Variants in FOXN1 observed in about 807,000 individuals in gnomAD.
The protein encoded by FOXN1 is forkhead box N1.
Under a neutral mutation model 49.0 loss-of-function variants are expected in FOXN1, and 15 were observed. The ratio of observed to expected loss-of-function variants is 0.31; its 90% confidence interval spans 0.20 to 0.47. The LOEUF (loss-of-function observed/expected upper bound fraction) is 0.47. FOXN1 is among the 20% of genes least tolerant of loss of function. FOXN1 has a pLI of 1.00. For synonymous variants in FOXN1, 356 were observed against 369.0 expected (o/e 0.96, Z 0.40); for missense variants, 800 against 842.8 (o/e 0.95, Z 0.63).
At chr17:28,509,765 T>A (rs1456166874) in intron 1 of FOXN1, among the ~76,000 whole-genome samples, 1 of 152,150 alleles carries the variant, frequency 6.6e-6, no homozygotes, top group Non-Finnish European at 1.5e-5. Flanking sequence ...AGAGACACCC[T>A]CATAGAGCCC....
intron 1 of FOXN1, among the ~76,000 whole-genome samples, chr17:28,506,764 G>A (rs1437044504): frequency 2.0e-5 from 3 of 152,224 alleles, no homozygotes; most frequent in African/African-American, 7.2e-5. Context: ...TGTGCTGGGA[G>A]GAAATGAGGA....
rs564665585 is a variant in FOXN1 at position 28,534,280 on chromosome 17, C to G, written c.928-51C>G. Reference sequence around the variant, plus strand: ...TTCTAGAACCCAGACCTGAAGCCCGCTCTGGCTTCCTGAGCCTGGCCTGAA... The same window carrying G: ...TTCTAGAACCCAGACCTGAAGCCCGGTCTGGCTTCCTGAGCCTGGCCTGAA... On this transcript the variant is annotated intron_variant, in intron 6 of 8. Transcript: ENST00000579795. The surrounding 1 kb of genome is among the most constrained non-coding windows in gnomAD (Gnocchi z 4.1). 452 of 1,613,490 alleles carry G rather than the reference C, an allele frequency of 2.8e-4. No homozygotes were observed. The highest frequency in any genetic ancestry group is 2.3e-4 in the Non-Finnish European group (266 of 1,179,900).
At chr17:28,535,575 C>T (rs545048459) in intron 8 of FOXN1, among the ~76,000 whole-genome samples, 1 of 152,180 alleles carries the variant, frequency 6.6e-6, no homozygotes, top group Non-Finnish European at 1.5e-5. Flanking sequence ...CATGGAGAAA[C>T]ACTGTCTCTA....
rs2069792795 is a variant in FOXN1, at chr17:28,527,275, C to G, written c.613C>G (p.Pro205Ala). The G allele has an allele frequency of 3.7e-6, 6 of 1,613,838 alleles. No individual in the cohort carries two copies. The East Asian group carries it at 1.1e-4, about 30-fold the overall frequency. The change falls in exon 4 of 9, where the codon CCA (proline) becomes GCA (alanine). Residue 205 changes from proline to alanine, a missense_variant. By Grantham distance (27) the Pro-to-Ala change is conservative (BLOSUM62 -1). Around this residue, in one of 3 missense-constraint regions of FOXN1, gnomAD observed 383 missense variants for 357.9 expected, o/e 1.07. Transcript: ENST00000579795. ...GGGTTCAGAGGTCAAAGTCAAGCCC[C>G]CAGTTCTGGAGAGTGGTGCTGGGAT... ...VLGSEVKVKP[P>A]VLESGAGMFC...
At chr17:28,524,392 C>T in intron 2 of FOXN1, 111 bp from the exon 3 acceptor site, 2 of 997,584 alleles carry the variant, frequency 2.0e-6, no homozygotes, top group South Asian at 1.3e-5. Flanking sequence ...TTAGGGTCTT[C>T]CCAGAGCTCA....
intron 5 of FOXN1, among the ~76,000 whole-genome samples, chr17:28,530,029 A>AG (rs903199892): frequency 6.7e-6 from 1 of 149,106 alleles, no homozygotes; most frequent in African/African-American, 2.5e-5. Flanking sequence ...AAAAAAAAAA[A>AG]TGTCAGGGGT....
intron 5 of FOXN1, 48 bp downstream of exon 5, chr17:28,529,272 G>A (rs753547551): frequency 6.2e-7 from 1 of 1,607,530 alleles, no homozygotes; most frequent in South Asian, 1.1e-5. Flanking sequence ...GAGTGAGAGG[G>A]CCCCTGGGAA....
intron 1 of FOXN1, among the ~76,000 whole-genome samples, chr17:28,522,403 T>G (rs2069659192): frequency 6.6e-6 from 1 of 152,170 alleles, no homozygotes; most frequent in African/African-American, 2.4e-5. Flanking sequence ...TCCCAGCACT[T>G]TGGGAGGCCA....
chr17:28,507,107 C>A (rs981911499), intron 1 of FOXN1, among the ~76,000 whole-genome samples: 3 of 152,186 alleles, frequency 2.0e-5, no homozygotes, highest in Non-Finnish European at 4.4e-5. Context: ...CCCGCAAGAC[C>A]CCTAAGGCAG....
In FOXN1 at chr17:28,534,756, A is replaced by T; in HGVS notation, c.1185A>T (p.Pro395=). The T allele has an allele frequency of 1.2e-6, 2 of 1,613,342 alleles. No individual in the cohort carries two copies. The highest frequency in any genetic ancestry group is 1.7e-6 in the Non-Finnish European group (2 of 1,179,790). ...IGDKREKLGS[P]LLGCPPPGLS... ...ACAAGAGAGAAAAGCTGGGCTCCCC[A>T]CTCCTGGGCTGTCCGCCCCCTGGGC... Residue 395 remains proline, a synonymous_variant, in exon 8 of 9, where the codon CCA becomes CCT. Transcript: ENST00000579795. The surrounding 1 kb of genome is among the most constrained non-coding windows in gnomAD (Gnocchi z 4.1).
chr17:28,537,239 G>C lies in FOXN1; in HGVS notation c.1750G>C (p.Gly584Arg). ...GCCACCACCTCACTGCTTCCCCCCT[G>C]GGCCCTGTCTGACAGAGACAGGCAG... ...PQPPPHCFPP[G>R]PCLTETGSGA... is the part of the protein sequence containing the mutation. The change falls in exon 9 of 9, where the codon GGG (glycine) becomes CGG (arginine). Residue 584 changes from glycine to arginine, a missense_variant. Gly to Arg is a moderately radical substitution (Grantham distance 125). Coordinates refer to ENST00000579795, the MANE Select transcript of FOXN1 (RefSeq NM_001369369.1). The C allele has an allele frequency of 6.2e-7, 1 of 1,613,944 alleles. No individual in the cohort carries two copies. Among genetic ancestry groups the C allele is most frequent in the Non-Finnish European group, 8.5e-7 (1 of 1,179,908 alleles).
At chr17:28,526,931 C>T (rs1162685565) in intron 3 of FOXN1, among the ~76,000 whole-genome samples, 2 of 152,144 alleles carry the variant, frequency 1.3e-5, no homozygotes, top group Non-Finnish European at 2.9e-5. Context: ...AGGTCAGCAC[C>T]GTGCCTTTGT....
chr17:28,531,366 T>C (rs1453204793), intron 6 of FOXN1, among the ~76,000 whole-genome samples: 1 of 152,056 alleles, frequency 6.6e-6, no homozygotes, highest in Non-Finnish European at 1.5e-5. Context: ...TCCCAGTCTT[T>C]GAGTGTCCCA....
chr17:28,514,597 C>G (rs2069456802), intron 1 of FOXN1, among the ~76,000 whole-genome samples: 1 of 152,174 alleles, frequency 6.6e-6, no homozygotes, highest in African/African-American at 2.4e-5. Flanking sequence ...CTCCCAGCAG[C>G]CTGTCGGGTG....
At chr17:28,525,408 G>C (rs765656266) in intron 3 of FOXN1, among the ~76,000 whole-genome samples, 1 of 152,156 alleles carries the variant, frequency 6.6e-6, no homozygotes, top group African/African-American at 2.4e-5. Context: ...TTTAAGTGTG[G>C]AGGGACCCTT....
chr17:28,520,286 G>A lies in FOXN1; in HGVS notation c.-14-3670G>A, dbSNP rs572146253. ...AGTGAGCCCTTCCCAGTGATGGACA[G>A]GAGCCCCTCATAAACACCAGTCAGA... On this transcript the variant is annotated intron_variant, in intron 1 of 8. Coordinates refer to ENST00000579795, the MANE Select transcript of FOXN1 (RefSeq NM_001369369.1). Among the ~76,000 whole-genome samples, 22 of 152,314 alleles carry A rather than the reference G, an allele frequency of 1.4e-4. No homozygotes were observed. The East Asian group carries it at 4.3e-3, about 29-fold the overall frequency.
At chr17:28,533,487 C>CG (rs2069966709) in intron 6 of FOXN1, among the ~76,000 whole-genome samples, 1 of 149,828 alleles carries the variant, frequency 6.7e-6, no homozygotes, top group South Asian at 2.1e-4. Context: ...GCACGAGCAC[C>CG]CCCCCCCACT....
At chr17:28,525,648 G>C (rs574616416) in intron 3 of FOXN1, among the ~76,000 whole-genome samples, 1 of 152,280 alleles carries the variant, frequency 6.6e-6, no homozygotes, top group East Asian at 1.9e-4. Context: ...CCCCGCTCTG[G>C]TTTGGAGGTC....
chr17:28,514,810 G>C (rs900963146), intron 1 of FOXN1, among the ~76,000 whole-genome samples: 5 of 152,118 alleles, frequency 3.3e-5, no homozygotes, highest in African/African-American at 1.2e-4. Context: ...GGTGCCCCAG[G>C]CCTGTCTGTC....
Sources: gnomAD v4.1 joint callset for allele counts (sites outside exome capture counted in the v4.1 genomes callset) on GRCh38, gnomAD v4.1.1 for gene constraint, gnomAD v4.1.1 regional missense constraint, Gnocchi (gnomAD v3.1) non-coding constraint, MANE v1.5 for transcripts, NCBI Gene and HGNC (gene_info 2026-07-23, HGNC 2026-07-21) for gene names.